PSD3: variants seen among roughly 807,000 people sequenced by gnomAD.
PSD3 encodes the protein PH and SEC7 domain-containing protein 3.
A neutral mutation model predicts 105.5 loss-of-function variants in PSD3; 49 were observed. The observed-to-expected ratio is 0.46, with a 90% CI of 0.37 to 0.59. The LOEUF (loss-of-function observed/expected upper bound fraction) is 0.59, where lower values mean the gene tolerates loss of function less well. Ranked by LOEUF, PSD3 falls within the 20% of genes least tolerant of loss-of-function variation. PSD3 has a pLI of 0.00. For missense variants in PSD3, 1,561 were observed against 1,263.8 expected (o/e 1.24, Z -3.57); for synonymous variants, 557 against 457.8 (o/e 1.22, Z -2.77).
chr8:18,719,694 G>C (rs1802829200), intron 9 of PSD3, among the ~76,000 whole-genome samples: 1 of 152,120 alleles, frequency 6.6e-6, no homozygotes, highest in African/African-American at 2.4e-5. Flanking sequence ...TCTATTCATG[G>C]ACACCTCCAA....
chr8:18,608,923 T>C (rs934600732), intron 11 of PSD3, among the ~76,000 whole-genome samples: 2 of 152,210 alleles, frequency 1.3e-5, no homozygotes, highest in Non-Finnish European at 2.9e-5. Flanking sequence ...TGGCAGAGCA[T>C]TTGTTCCTAC....
intron 11 of PSD3, among the ~76,000 whole-genome samples, chr8:18,620,946 G>A (rs928382355): frequency 1.3e-5 from 2 of 152,118 alleles, no homozygotes; most frequent in Admixed American, 6.5e-5. Flanking sequence ...TAATTAAACC[G>A]AAATCATAAA....
rs1017351534 is a variant in PSD3 at position 18,818,119 on chromosome 8, A to G, written c.1635-13221T>C. ...CAGGCACCTGCCACTACGCTTGGCT[A>G]ATTTTTTTCATTTTTAGTAGAGAAG... On this transcript the variant is annotated intron_variant, in intron 4 of 15. Transcript: ENST00000327040. Among the ~76,000 whole-genome samples, 25 of 152,000 alleles carry G rather than the reference A, an allele frequency of 1.6e-4. No homozygotes were observed. In the East Asian group the frequency reaches 4.5e-3, roughly 27 times the overall value.
At chr8:18,770,069 G>A (rs1038039455) in intron 8 of PSD3, among the ~76,000 whole-genome samples, 3 of 152,144 alleles carry the variant, frequency 2.0e-5, no homozygotes, top group African/African-American at 7.2e-5. Flanking sequence ...TTTTCAAAGT[G>A]GCTGCACCAT....
chr8:18,882,948 T>C (rs1011344845), intron 2 of PSD3, among the ~76,000 whole-genome samples: 2 of 152,090 alleles, frequency 1.3e-5, no homozygotes, highest in Admixed American at 6.6e-5. Context: ...TCTGTATCTG[T>C]CTATACACAG....
intron 1 of PSD3, among the ~76,000 whole-genome samples, chr8:19,074,617 T>A (rs1273453450): frequency 5.5e-3 from 141 of 25,670 alleles, no homozygotes; most frequent in Middle Eastern, 0.016. Flanking sequence ...ATATATTTTT[T>A]TTTTTTTTTT....
chr8:18,718,128 T>C (rs1311148229), intron 9 of PSD3, among the ~76,000 whole-genome samples: 1 of 152,214 alleles, frequency 6.6e-6, no homozygotes. Flanking sequence ...GACTGTATCT[T>C]ACCTCCTGGA....
chr8:18,921,514 A>G (rs334748), intron 2 of PSD3, among the ~76,000 whole-genome samples: 118,038 of 152,172 alleles, frequency 0.78, 46,508 homozygotes, highest in African/African-American at 0.92. Context: ...TCATGCTGGC[A>G]GAGGCAGATC....
chr8:18,823,477 G>A (rs571999232), intron 4 of PSD3, among the ~76,000 whole-genome samples: 1 of 152,170 alleles, frequency 6.6e-6, no homozygotes, highest in East Asian at 1.9e-4. Flanking sequence ...TTCACTAGAG[G>A]TATGAAAAGT....
intron 11 of PSD3, among the ~76,000 whole-genome samples, chr8:18,605,267 T>C (rs2263521): frequency 0.77 from 116,583 of 152,122 alleles, 45,011 homozygotes; most frequent in East Asian, 0.94. Context: ...CTACCCCTCA[T>C]ACCAGTGTGC....
At chr8:18,933,863 C>A (rs1309161967) in intron 2 of PSD3, among the ~76,000 whole-genome samples, 1 of 152,084 alleles carries the variant, frequency 6.6e-6, no homozygotes, top group East Asian at 1.9e-4. Flanking sequence ...AACTTCAAGC[C>A]CAGAATAGTT....
chr8:18,881,145 C>T (rs1328051852), intron 2 of PSD3, among the ~76,000 whole-genome samples: 2 of 152,102 alleles, frequency 1.3e-5, no homozygotes, highest in African/African-American at 2.4e-5. Context: ...AGCAAAGATG[C>T]TTTTCCTGCA....
intron 11 of PSD3, among the ~76,000 whole-genome samples, chr8:18,616,953 T>G (rs1231784493): frequency 6.6e-6 from 1 of 152,192 alleles, no homozygotes; most frequent in Non-Finnish European, 1.5e-5. Context: ...CCTGTTTTGA[T>G]CCAAGCCCCC....
At chr8:18,549,159 T>C (rs2130064623) in intron 15 of PSD3, among the ~76,000 whole-genome samples, 1 of 145,746 alleles carries the variant, frequency 6.9e-6, no homozygotes, top group Non-Finnish European at 1.5e-5. Context: ...CTTATACTCA[T>C]TATTCTGTCT....
chr8:18,740,785 C>T (rs1301573560), intron 9 of PSD3, among the ~76,000 whole-genome samples: 4 of 152,184 alleles, frequency 2.6e-5, no homozygotes, highest in Admixed American at 6.5e-5. Context: ...CTCTGTCCCA[C>T]GACTTTGTCT....
chr8:19,025,303 A>G (rs1033500205), intron 1 of PSD3, among the ~76,000 whole-genome samples: 2 of 152,168 alleles, frequency 1.3e-5, no homozygotes, highest in African/African-American at 4.8e-5. Context: ...CTTTTTCTAG[A>G]AATCTTCATG....
chr8:18,926,528 A>C (rs973854540), intron 2 of PSD3, among the ~76,000 whole-genome samples: 10 of 152,126 alleles, frequency 6.6e-5, no homozygotes, highest in Admixed American at 4.6e-4. Context: ...AAGATGCTCA[A>C]TGTCATTAGT....
At chr8:18,933,386 C>CAA (rs34771726) in intron 2 of PSD3, among the ~76,000 whole-genome samples, 82 of 137,776 alleles carry the variant, frequency 6.0e-4, no homozygotes, top group Non-Finnish European at 1.1e-3. Context: ...TTATTATAGC[C>CAA]AAAAAAAAAA....
Position 18,719,335 on chromosome 8 carries a change from T to C in PSD3, c.2172+46114A>G, listed in dbSNP as rs540339588. Among the ~76,000 whole-genome samples the C allele has an allele frequency of 2.6e-4, 40 of 152,360 alleles. No individual in the cohort carries two copies. The South Asian group carries it at 8.3e-3, about 32-fold the overall frequency. ...AATCTGAAACTGAGTTTATGGCTTG[T>C]ACAAACTACTAAATCCAGACTTTTG... On this transcript the variant is annotated intron_variant, in intron 9 of 15. Transcript: ENST00000327040.
Sources: gnomAD v4.1 joint callset for allele counts (sites outside exome capture counted in the v4.1 genomes callset) on GRCh38, gnomAD v4.1.1 for gene constraint, MANE v1.5 for transcripts, NCBI Gene and HGNC (gene_info 2026-07-23, HGNC 2026-07-21) for gene names.